Variants in PTPN18 observed in about 807,000 individuals in gnomAD.
PTPN18 encodes protein tyrosine phosphatase non-receptor type 18.
A neutral mutation model predicts 65.4 loss-of-function variants in PTPN18; 65 were observed. That is an observed-to-expected ratio of 0.99 (90% confidence interval 0.81 to 1.22). PTPN18 has a LOEUF of 1.22. Among genes scored for constraint, PTPN18 ranks in the 50% most tolerant of loss-of-function variants. The pLI is 0.00. For missense variants in PTPN18, 616 were observed against 646.5 expected, an observed-to-expected ratio of 0.95 and a Z score of 0.51; for synonymous variants, 255 against 267.8, an observed-to-expected ratio of 0.95 and a Z score of 0.47.
Position 130,358,873 on chromosome 2 carries a change from C to T in PTPN18, c.100C>T (p.Gln34Ter). The T allele has an allele frequency of 6.2e-7, 1 of 1,612,716 alleles. No homozygotes were observed. The highest frequency in any genetic ancestry group is 8.5e-7 in the Non-Finnish European group (1 of 1,178,988). Residue 34 changes from glutamine to a stop codon, truncating the protein, a stop_gained, in exon 2 of 15, where the codon CAG becomes TAG. Transcript: ENST00000175756. LOFTEE classifies it high-confidence loss of function. ...AVLAGEFSDI[Q>*]ACSAAWKADG... ...ACTCATAATGCTCTACCAGGACATC[C>T]AGGCCTGCTCGGCCGCCTGGAAGGC...
chr2:130,359,731 C>G (rs1680136088), intron 5 of PTPN18, 85 bp downstream of exon 5: 4 of 1,496,058 alleles, frequency 2.7e-6, no homozygotes, highest in African/African-American at 2.8e-5. Context: ...CCCCAGGACC[C>G]GAGGGTCCAG....
intron 5 of PTPN18, chr2:130,359,967 C>T (rs1680143269): frequency 2.7e-6 from 1 of 364,992 alleles, no homozygotes; most frequent in African/African-American, 2.0e-5. Context: ...CAACTCTGGT[C>T]TCTGCTGTTC....
chr2:130,370,567 G>A lies in PTPN18; in HGVS notation c.700G>A (p.Gly234Arg). Residue 234 changes from glycine (G) to arginine (R), a missense_variant, in exon 9 of 15, where the codon GGG becomes AGG. Transcript: ENST00000175756. ...PLCVHCSAGC[G>R]RTGVLCTVDY... ...TGATTCTCTTGTCAGTGCGGGTTGT[G>A]GGCGAACAGGCGTCCTGTGCACCGT... 6.2e-7 allele frequency: 1 copy of A among 1,614,114 alleles called. No homozygotes were observed. The highest frequency in any genetic ancestry group is 8.5e-7 in the Non-Finnish European group (1 of 1,180,018).
Position 130,359,655 on chromosome 2 carries a change from C to T in PTPN18, c.414+9C>T, listed in dbSNP as rs1229520777. On this transcript the variant is annotated intron_variant, in intron 5 of 14. Coordinates refer to ENST00000175756, the MANE Select transcript of PTPN18 (RefSeq NM_014369.4). Reference sequence around the variant, plus strand: ...AGATAGAGAATGGGCGGGTAGGTGCCCTCTGCCCCCAGGTTTCATGTCCTT... The same window carrying T: ...AGATAGAGAATGGGCGGGTAGGTGCTCTCTGCCCCCAGGTTTCATGTCCTT... The T allele has an allele frequency of 6.2e-7, 1 of 1,613,622 alleles. No individual in the cohort carries two copies.
intron 5 of PTPN18, among the ~76,000 whole-genome samples, chr2:130,361,554 CT>C (rs1249109097): frequency 9.3e-6 from 1 of 107,278 alleles, no homozygotes; most frequent in South Asian, 3.1e-4. Flanking sequence ...TTCTTTCTTT[CT>C]TTCTTTCTTT....
rs111873277 is a variant in PTPN18 at position 130,373,507 on chromosome 2, G to A, written c.*283G>A. On this transcript the variant is annotated 3_prime_UTR_variant, in exon 15 of 15. Transcript: ENST00000175756. The surrounding 1 kb of genome is among the most constrained non-coding windows in gnomAD (Gnocchi z 4.1). ...TGAGTTATGAAGGGGAGAAGGGACA[G>A]ATGAGCTTCCGGAGACTGCTCTCCT... 4,554 of 308,076 alleles carry A rather than the reference G, an allele frequency of 0.015. 50 individuals carry two copies. Among genetic ancestry groups the A allele is most frequent in the Non-Finnish European group, 0.021 (3,484 of 167,342 alleles). 19.1% of individuals were successfully genotyped at this position (308,076 alleles called of 1,614,324 possible).
chr2:130,365,579 G>A (rs556277014), intron 5 of PTPN18, among the ~76,000 whole-genome samples: 174 of 152,322 alleles, frequency 1.1e-3, no homozygotes, highest in African/African-American at 4.1e-3. Flanking sequence ...CAAACATTTT[G>A]TGAAACTTTA....
chr2:130,358,794 G>T, intron 1 of PTPN18, 73 bp from the exon 2 acceptor site: 1 of 1,269,316 alleles, frequency 7.9e-7, no homozygotes, highest in Non-Finnish European at 1.1e-6. Flanking sequence ...AGCGTGCCTA[G>T]GTGGCCTGGG....
chr2:130,373,902 C>T lies in PTPN18; in HGVS notation c.*678C>T, dbSNP rs1680658020. On this transcript the variant is annotated 3_prime_UTR_variant, in exon 15 of 15. Transcript: ENST00000175756. The surrounding 1 kb of genome is among the most constrained non-coding windows in gnomAD (Gnocchi z 4.1). ...CTAGCTGGACAGCCAGGTGGACCCC[C>T]TAAGTTAGATTACTAGACAGATATA... 3 of 133,442 alleles carry T rather than the reference C, an allele frequency of 2.2e-5. No individual in the cohort carries two copies. The highest frequency in any genetic ancestry group is 4.4e-4 in the South Asian group (2 of 4,588). 8.3% of individuals were successfully genotyped at this position (133,442 alleles called of 1,614,324 possible).
chr2:130,356,672 C>G (rs1020157690), intron 1 of PTPN18: 11 of 463,088 alleles, frequency 2.4e-5, no homozygotes, highest in Admixed American at 1.9e-4. Flanking sequence ...ACGCCGGGCT[C>G]GAATCCGCGT....
chr2:130,359,558 TG>T, intron 4 of PTPN18, 49 bp from the exon 5 acceptor site: 1 of 1,613,138 alleles, frequency 6.2e-7, no homozygotes, highest in Non-Finnish European at 8.5e-7. Context: ...GCAGTTTCCC[TG>T]GCCCCCTCAC....
In PTPN18 at chr2:130,374,605, T is replaced by C. The variant is rs1462858945; in HGVS notation, c.*1381T>C. On this transcript the variant is annotated 3_prime_UTR_variant, in exon 15 of 15. Coordinates refer to ENST00000175756, the MANE Select transcript of PTPN18 (RefSeq NM_014369.4). ...GACAAATCTCCAAGTCACTGCAAAATGGAAAAAGTATAAGATGCTCTTTCC... is the reference window on the plus strand; with the variant it reads ...GACAAATCTCCAAGTCACTGCAAAACGGAAAAAGTATAAGATGCTCTTTCC... 1 of 471,108 alleles carries C rather than the reference T, an allele frequency of 2.1e-6. No homozygotes were observed. The highest frequency in any genetic ancestry group is 4.4e-6 in the Non-Finnish European group (1 of 227,038). 29.2% of individuals were successfully genotyped at this position (471,108 alleles called of 1,614,324 possible).
At position 130,373,110 on chromosome 2, in the gene PTPN18, C is replaced by T. The variant is rs1290465756; in HGVS notation, c.1316-47C>T. On this transcript the variant is annotated intron_variant, in intron 14 of 14. Coordinates refer to ENST00000175756, the MANE Select transcript of PTPN18 (RefSeq NM_014369.4). This position sits in a 1 kb window ranked among gnomAD's most constrained non-coding sequence, Gnocchi z 4.1. ...CCTTCTTCATGTCTGCCAGCTTCCA[C>T]ACACCTCAGCTTCTCCATGAGACCC... 2.6e-6 allele frequency: 4 copies of T among 1,553,006 alleles called. No individual in the cohort carries two copies. The highest frequency in any genetic ancestry group is 3.5e-6 in the Non-Finnish European group (4 of 1,145,244).
intron 5 of PTPN18, among the ~76,000 whole-genome samples, chr2:130,367,234 C>T (rs1680414988): frequency 6.6e-6 from 1 of 151,796 alleles, no homozygotes; most frequent in African/African-American, 2.4e-5. Flanking sequence ...TGATGAATTC[C>T]CTCAGCTTTC....
Position 130,374,825 on chromosome 2 carries a change from T to C in PTPN18, c.*1601T>C. 1 of 412,980 alleles carries C rather than the reference T, an allele frequency of 2.4e-6. No homozygotes were observed. Among genetic ancestry groups the C allele is most frequent in the Admixed American group, 2.7e-5 (1 of 37,084 alleles). 25.6% of individuals were successfully genotyped at this position (412,980 alleles called of 1,614,324 possible). The stretch of plus-strand genomic sequence containing the variant: ...GCATCCATGGTCGATCTCAAGTGCC[T>C]TGGCATGAACTCCACTCTCCTGCAG... On this transcript the variant is annotated 3_prime_UTR_variant, in exon 15 of 15. Coordinates refer to ENST00000175756, the MANE Select transcript of PTPN18 (RefSeq NM_014369.4).
At chr2:130,371,140 C>G (rs112777549) in intron 11 of PTPN18, 59 bp from the exon 12 acceptor site, 3 of 1,473,232 alleles carry the variant, frequency 2.0e-6, no homozygotes, top group South Asian at 1.2e-5. Context: ...CTCCCAGAGC[C>G]CCTTGAGAGG....
At chr2:130,372,804 G>T in intron 13 of PTPN18, 69 bp from the exon 14 acceptor site, 2 of 1,565,752 alleles carry the variant, frequency 1.3e-6, no homozygotes, top group Non-Finnish European at 8.7e-7. Flanking sequence ...AAGCGTCCCC[G>T]CTAGGGGTGG....
At chr2:130,365,637 T>C (rs866727403) in intron 5 of PTPN18, among the ~76,000 whole-genome samples, 4 of 152,222 alleles carry the variant, frequency 2.6e-5, no homozygotes, top group African/African-American at 9.6e-5. Flanking sequence ...TGAGAAGTCA[T>C]TGTCTAATCA....
intron 1 of PTPN18, among the ~76,000 whole-genome samples, chr2:130,358,461 C>G (rs1680064077): frequency 6.6e-6 from 1 of 152,100 alleles, no homozygotes; most frequent in African/African-American, 2.4e-5. Flanking sequence ...ACAGTTATTG[C>G]TTACAAGACA....
Sources: allele counts gnomAD v4.1 joint callset (sites outside exome capture counted in the v4.1 genomes callset), GRCh38; gene constraint gnomAD v4.1.1; non-coding constraint Gnocchi (gnomAD v3.1); transcripts MANE v1.5; gene names NCBI Gene and HGNC (gene_info 2026-07-23, HGNC 2026-07-21).